DCLK1: variants seen among roughly 807,000 people sequenced by gnomAD.
DCLK1 encodes the protein doublecortin like kinase 1.
A neutral mutation model predicts 86.2 loss-of-function variants in DCLK1; 16 were observed. The ratio of observed to expected loss-of-function variants is 0.19; its 90% CI spans 0.13 to 0.28. The LOEUF (loss-of-function observed/expected upper bound fraction) is 0.28. Ranked by LOEUF, DCLK1 falls within the 10% of genes least tolerant of loss-of-function variation. DCLK1 has a pLI of 1.00. For synonymous variants in DCLK1, 369 were observed against 370.5 expected (o/e 1.00, Z 0.05); for missense variants, 590 against 940.2 (o/e 0.63, Z 4.87).
At chr13:36,112,897 T>G (rs2138192005) in intron 2 of DCLK1, among the ~76,000 whole-genome samples, 1 of 152,338 alleles carries the variant, frequency 6.6e-6, no homozygotes. Flanking sequence ...AAATGTTTAT[T>G]AAAAGTGACT....
chr13:35,937,865 GAGAA>G (rs1171649227), intron 4 of DCLK1, among the ~76,000 whole-genome samples: 1 of 152,184 alleles, frequency 6.6e-6, no homozygotes, highest in Admixed American at 6.5e-5. Flanking sequence ...CAATTTGGCA[GAGAA>G]AGAAAGGCAA....
chr13:35,937,436 G>C (rs1876826019), intron 4 of DCLK1, among the ~76,000 whole-genome samples: 1 of 152,152 alleles, frequency 6.6e-6, no homozygotes, highest in Non-Finnish European at 1.5e-5. Flanking sequence ...GCGGGGAGGA[G>C]GGAGTGAGCA....
chr13:35,774,291 A>T lies in DCLK1; in HGVS notation c.*244T>A, dbSNP rs1210503263. The T allele has an allele frequency of 2.9e-5, 13 of 449,062 alleles. No homozygotes were observed. The East Asian group carries it at 4.0e-4, about 14-fold the overall frequency. 27.8% of individuals were successfully genotyped at this position (449,062 alleles called of 1,614,324 possible). On this transcript the variant is annotated 3_prime_UTR_variant, in exon 17 of 17. Transcript: ENST00000360631. ...TCATTGCTTCTAAGTTTAAAAAAAA[A>T]TTGCAAATTGGCCTTAACCCTTTGA...
intron 4 of DCLK1, among the ~76,000 whole-genome samples, chr13:35,922,979 C>A (rs1176194972): frequency 6.6e-6 from 1 of 152,132 alleles, no homozygotes; most frequent in Admixed American, 6.5e-5. Context: ...GAACGATGCA[C>A]CAGAAATGAA....
intron 16 of DCLK1, among the ~76,000 whole-genome samples, chr13:35,793,104 T>C (rs2086736359): frequency 6.6e-6 from 1 of 152,140 alleles, no homozygotes; most frequent in Non-Finnish European, 1.5e-5. Flanking sequence ...AGGTTTTCGG[T>C]TTTAAATAAA....
intron 3 of DCLK1, among the ~76,000 whole-genome samples, chr13:35,989,750 TTA>T (rs1880134715): frequency 6.6e-6 from 1 of 150,802 alleles, no homozygotes; most frequent in African/African-American, 2.4e-5. Flanking sequence ...AGGGGTCTGA[TTA>T]TGTCACCCAG....
At chr13:36,039,425 G>A (rs1882622771) in intron 3 of DCLK1, among the ~76,000 whole-genome samples, 2 of 152,194 alleles carry the variant, frequency 1.3e-5, no homozygotes, top group South Asian at 2.1e-4. Context: ...CTGGCCTCTG[G>A]TATAAAAAGC....
intron 3 of DCLK1, among the ~76,000 whole-genome samples, chr13:35,957,933 C>T (rs370026164): frequency 2.7e-5 from 3 of 111,626 alleles, no homozygotes; most frequent in South Asian, 3.5e-4. Flanking sequence ...ATAACCATCA[C>T]CACTACCACT....
At chr13:35,826,453 GCA>G (rs1868435667) in intron 10 of DCLK1, among the ~76,000 whole-genome samples, 1 of 149,092 alleles carries the variant, frequency 6.7e-6, no homozygotes, top group Non-Finnish European at 1.5e-5. Context: ...AACCCAGGAG[GCA>G]GAGGTTGCCG....
intron 5 of DCLK1, among the ~76,000 whole-genome samples, chr13:35,870,164 C>T (rs2153114479): frequency 6.6e-6 from 1 of 152,286 alleles, no homozygotes; most frequent in Admixed American, 6.5e-5. Context: ...ATGATGCAGG[C>T]CATGCTGTGG....
chr13:35,965,080 AC>A (rs1462064466), intron 3 of DCLK1, among the ~76,000 whole-genome samples: 2 of 152,186 alleles, frequency 1.3e-5, no homozygotes, highest in African/African-American at 4.8e-5. Flanking sequence ...AAGTTCCTTT[AC>A]ATCATGCCCT....
intron 4 of DCLK1, among the ~76,000 whole-genome samples, chr13:35,905,898 C>T (rs1403417661): frequency 6.6e-6 from 1 of 151,864 alleles, no homozygotes; most frequent in East Asian, 1.9e-4. Context: ...CATCTGAAGT[C>T]CCAGTCGCCC....
At position 35,968,223 on chromosome 13, in the gene DCLK1, G is replaced by A. The variant is rs141720875; in HGVS notation, c.724-20766C>T. Among the ~76,000 whole-genome samples the A allele has an allele frequency of 1.2e-4, 19 of 152,276 alleles. No homozygotes were observed. In the East Asian group the frequency reaches 3.7e-3, roughly 29 times the overall value. ...CAAGAGGTGGAATTACGGTTGCCAG[G>A]GGCTGGAGTGAGGAGGAATAGAGAG... On this transcript the variant is annotated intron_variant, in intron 3 of 16. Coordinates refer to ENST00000360631, the MANE Select transcript of DCLK1 (RefSeq NM_001330071.2).
chr13:36,103,952 G>A (rs1313862138), intron 3 of DCLK1, among the ~76,000 whole-genome samples: 2 of 152,216 alleles, frequency 1.3e-5, no homozygotes, highest in African/African-American at 4.8e-5. Flanking sequence ...ACGGCGAGAT[G>A]TTTCTAACAG....
intron 3 of DCLK1, among the ~76,000 whole-genome samples, chr13:36,108,444 C>A (rs1242068174): frequency 6.6e-6 from 1 of 152,176 alleles, no homozygotes; most frequent in Non-Finnish European, 1.5e-5. Flanking sequence ...TTAGGGCTAA[C>A]ACAAACCCGA....
intron 4 of DCLK1, among the ~76,000 whole-genome samples, chr13:35,871,903 G>A (rs1872295009): frequency 1.3e-5 from 2 of 152,146 alleles, no homozygotes; most frequent in East Asian, 3.9e-4. Flanking sequence ...CTGCTGCAAG[G>A]GCATCCTGCC....
chr13:36,046,999 A>G (rs1882938941), intron 3 of DCLK1, among the ~76,000 whole-genome samples: 1 of 152,188 alleles, frequency 6.6e-6, no homozygotes, highest in South Asian at 2.1e-4. Context: ...AAACACATAA[A>G]CCAATTAAAA....
chr13:35,957,991 C>CACTATA (rs1878110026), intron 3 of DCLK1, among the ~76,000 whole-genome samples: 1 of 150,586 alleles, frequency 6.6e-6, no homozygotes, highest in African/African-American at 2.4e-5. Context: ...TAACCACCAC[C>CACTATA]ACCACCACCA....
intron 16 of DCLK1, among the ~76,000 whole-genome samples, chr13:35,786,605 T>G (rs2086626793): frequency 6.6e-6 from 1 of 152,114 alleles, no homozygotes; most frequent in East Asian, 1.9e-4. Flanking sequence ...TTGTGAAAAT[T>G]TATAGAGATG....
Sources: gnomAD v4.1 joint callset for allele counts (sites outside exome capture counted in the v4.1 genomes callset) on GRCh38, gnomAD v4.1.1 for gene constraint, MANE v1.5 for transcripts, NCBI Gene and HGNC (gene_info 2026-07-23, HGNC 2026-07-21) for gene names.